PRDM4: variants seen among roughly 807,000 people sequenced by gnomAD.
The protein encoded by PRDM4 is PR/SET domain 4.
PRDM4 carries 38 observed loss-of-function variants against 62.3 expected under a neutral mutation model. The observed-to-expected ratio is 0.61, with a 90% CI of 0.47 to 0.80. The LOEUF (loss-of-function observed/expected upper bound fraction) is 0.80. Among genes scored for constraint, PRDM4 ranks in the 30% least tolerant of loss-of-function variants. The pLI, the probability that PRDM4 is intolerant of heterozygous loss-of-function variation, is 0.00. For missense variants in PRDM4, 858 were observed against 997.1 expected (o/e 0.86, Z 1.88); for synonymous variants, 339 against 348.2 (o/e 0.97, Z 0.30).
intron 11 of PRDM4, 137 bp from the exon 12 acceptor site, chr12:107,734,659 A>C: frequency 1.3e-6 from 1 of 762,228 alleles, no homozygotes. Context: ...GGTGATATAC[A>C]GAAGACTCAT....
intron 4 of PRDM4, among the ~76,000 whole-genome samples, chr12:107,752,441 T>G (rs1890924965): frequency 6.6e-6 from 1 of 152,206 alleles, no homozygotes; most frequent in Non-Finnish European, 1.5e-5. Flanking sequence ...TGAAGCTAAC[T>G]GGGAATCACT....
intron 9 of PRDM4, among the ~76,000 whole-genome samples, chr12:107,741,906 G>A (rs1274885891): frequency 1.3e-5 from 2 of 152,154 alleles, no homozygotes; most frequent in South Asian, 2.1e-4. Flanking sequence ...AAATCAAACC[G>A]AGGGACTTCG....
chr12:107,751,862 T>G lies in PRDM4; in HGVS notation c.679A>C (p.Asn227His), dbSNP rs748423360. 3.7e-6 allele frequency: 6 copies of G among 1,614,186 alleles called. No homozygotes were observed. In the Admixed American group the frequency reaches 1.0e-4, roughly 27 times the overall value. ...AGAGGTTCATGACTTCTGGAGCCATTTGGGATTTGGGAATGCTCGCCTGCA... is the reference window on the plus strand; with the variant it reads ...AGAGGTTCATGACTTCTGGAGCCATGTGGGATTTGGGAATGCTCGCCTGCA... ...GVAGEHSQIP[N>H]GSRSHEPLSV... Residue 227 changes from asparagine to histidine, a missense_variant, in exon 5 of 12, where the codon AAT becomes CAT. Asn to His is a moderately conservative substitution (Grantham distance 68). Transcript: ENST00000228437.
intron 3 of PRDM4, 91 bp from the exon 4 acceptor site, chr12:107,754,200 T>C: frequency 2.8e-6 from 3 of 1,059,180 alleles, no homozygotes; most frequent in East Asian, 2.6e-5. Flanking sequence ...AGAAAGGTTT[T>C]TACACATGGG....
chr12:107,747,241 G>C (rs1213455753), intron 5 of PRDM4, among the ~76,000 whole-genome samples: 2 of 152,064 alleles, frequency 1.3e-5, no homozygotes, highest in East Asian at 3.9e-4. Flanking sequence ...AAGTCCAAAA[G>C]ATTCCAATTC....
In PRDM4 at chr12:107,753,992, C is replaced by A; in HGVS notation, c.263G>T (p.Arg88Ile). The A allele has an allele frequency of 6.2e-7, 1 of 1,614,062 alleles. No individual in the cohort carries two copies. The highest frequency in any genetic ancestry group is 1.1e-5 in the South Asian group (1 of 91,086). Residue 88 changes from arginine to isoleucine, a missense_variant, in exon 4 of 12, where the codon AGA (arginine) becomes ATA (isoleucine). By Grantham distance (97) the Arg-to-Ile change is moderately conservative (BLOSUM62 -3). This residue lies in a region of PRDM4 where 499 missense variants were observed against 546.7 expected (regional missense o/e 0.91). Transcript: ENST00000228437. The part of the protein sequence containing the change: ...DRGVMCGLPE[R>I]NYTLPPPPYP... ...AGGTGGTGGAGGTAGGGTGTAGTTT[C>A]TTTCAGGTAACCCACACATCACCCC...
chr12:107,741,071 A>G lies in PRDM4; in HGVS notation c.1799T>C (p.Ile600Thr), dbSNP rs746216423. The change falls in exon 10 of 12, where the codon ATC becomes ACC. Residue 600 changes from isoleucine (I) to threonine (T), a missense_variant. Physicochemically the swap from Ile to Thr is moderately conservative, Grantham distance 89. Transcript: ENST00000228437. Reference sequence around the variant, plus strand: ...GTGGACATGAAGTTTGGAAGGAGAGATAAAAGCTTGGGGGCACATTGAGCA... The same window carrying G: ...GTGGACATGAAGTTTGGAAGGAGAGGTAAAAGCTTGGGGGCACATTGAGCA... ...WKCSMCPQAF[I>T]SPSKLHVHFM... 2 of 1,614,150 alleles carry G rather than the reference A, an allele frequency of 1.2e-6. No individual in the cohort carries two copies. The highest frequency in any genetic ancestry group is 8.5e-7 in the Non-Finnish European group (1 of 1,180,030).
intron 3 of PRDM4, among the ~76,000 whole-genome samples, chr12:107,755,569 T>C (rs1891038282): frequency 6.6e-6 from 1 of 152,206 alleles, no homozygotes; most frequent in African/African-American, 2.4e-5. Context: ...ACTGCTGCAT[T>C]TTATTAATTA....
At position 107,760,958 on chromosome 12, in the gene PRDM4, T is replaced by C. The variant is rs1298570695; in HGVS notation, c.-258A>G. On this transcript the variant is annotated splice_region_variant and 5_prime_UTR_variant, in exon 1 of 12. Transcript: ENST00000228437. The stretch of plus-strand genomic sequence containing the variant: ...CGGCCGGGCCCGCGCGCAGCCCACC[T>C]GCCAGCTGCGCTGGGGGCGCACGCG... 6.8e-6 allele frequency: 1 copy of C among 146,116 alleles called. No homozygotes were observed. Among genetic ancestry groups the C allele is most frequent in the Non-Finnish European group, 1.5e-5 (1 of 66,480 alleles). 9.1% of individuals were successfully genotyped at this position (146,116 alleles called of 1,614,324 possible). A position where few individuals can be genotyped will look rare whatever the true frequency, so the allele number is the denominator to read the frequency against.
intron 6 of PRDM4, 105 bp from the exon 7 acceptor site, chr12:107,744,766 AACCAATATGTAGGC>A: frequency 3.4e-6 from 5 of 1,479,368 alleles, no homozygotes; most frequent in Non-Finnish European, 4.6e-6. Context: ...CAATGAATTT[AACCAATATGTAGGC>A]TGGGCGTGGT....
intron 4 of PRDM4, 64 bp downstream of exon 4, chr12:107,753,860 G>T: frequency 6.8e-7 from 1 of 1,460,264 alleles, no homozygotes; most frequent in Non-Finnish European, 9.3e-7. Flanking sequence ...ATATCTTCAG[G>T]ATAAAAGTTT....
intron 3 of PRDM4, chr12:107,754,929 T>C (rs1168248216): frequency 6.6e-6 from 1 of 152,258 alleles, no homozygotes; most frequent in Non-Finnish European, 1.5e-5. Flanking sequence ...CTTTTGTATA[T>C]ATGCTACACT....
At chr12:107,752,849 T>G (rs1890940570) in intron 4 of PRDM4, among the ~76,000 whole-genome samples, 1 of 152,138 alleles carries the variant, frequency 6.6e-6, no homozygotes, top group African/African-American at 2.4e-5. Flanking sequence ...TTTGTAAATA[T>G]TATACATAAA....
Position 107,734,278 on chromosome 12 carries a change from CCA to C in PRDM4, c.2336_2337del (p.Val779GlyfsTer6), listed in dbSNP as rs761041073. ...CTGTTAATCCTACAGTCTTCTGTCCCCACAGAGTCTGCTAGATCTTCCTCTTC... is the reference window on the plus strand; with the variant it reads ...CTGTTAATCCTACAGTCTTCTGTCCCCAGAGTCTGCTAGATCTTCCTCTTC... ...DSEEEDLADS[V>X]GTEDCRINSA... On this transcript the variant is annotated frameshift_variant, in exon 12 of 12. Coordinates refer to ENST00000228437, the MANE Select transcript of PRDM4 (RefSeq NM_012406.4). LOFTEE classifies it high-confidence loss of function. 6 of 1,614,052 alleles carry C rather than the reference CCA, an allele frequency of 3.7e-6. No individual in the cohort carries two copies. The East Asian group carries it at 6.7e-5, about 18-fold the overall frequency.
intron 11 of PRDM4, among the ~76,000 whole-genome samples, chr12:107,738,898 CA>C (rs1890424548): frequency 6.6e-6 from 1 of 151,462 alleles, no homozygotes; most frequent in African/African-American, 2.4e-5. Flanking sequence ...CACACACACA[CA>C]CACACACACA....
At chr12:107,747,976 C>A (rs547332512) in intron 5 of PRDM4, among the ~76,000 whole-genome samples, 1 of 151,932 alleles carries the variant, frequency 6.6e-6, no homozygotes, top group Non-Finnish European at 1.5e-5. Context: ...TGGTCTCGAA[C>A]GCATGAGACC....
At chr12:107,748,149 C>T (rs1041955775) in intron 5 of PRDM4, among the ~76,000 whole-genome samples, 3 of 151,874 alleles carry the variant, frequency 2.0e-5, no homozygotes, top group African/African-American at 2.4e-5. Context: ...TACTGCACAC[C>T]AGCCTGGGTG....
intron 4 of PRDM4, among the ~76,000 whole-genome samples, chr12:107,753,664 T>C (rs35726106): frequency 0.29 from 44,680 of 152,000 alleles, 8,239 homozygotes; most frequent in Middle Eastern, 0.43. Context: ...AAACACCAAA[T>C]GAAAGAGATA....
chr12:107,755,821 ACAC>A (rs1891046943), intron 3 of PRDM4, among the ~76,000 whole-genome samples: 1 of 152,220 alleles, frequency 6.6e-6, no homozygotes, highest in Admixed American at 6.5e-5. Flanking sequence ...GCGGTGGCTC[ACAC>A]CTAAAATCCC....
Sources: gnomAD v4.1 joint callset for allele counts (sites outside exome capture counted in the v4.1 genomes callset) on GRCh38, gnomAD v4.1.1 for gene constraint, gnomAD v4.1.1 regional missense constraint, MANE v1.5 for transcripts, NCBI Gene and HGNC (gene_info 2026-07-23, HGNC 2026-07-21) for gene names.